RBFOX3: variants seen among roughly 807,000 people sequenced by gnomAD.
RBFOX3 encodes RNA binding fox-1 homolog 3.
A neutral mutation model predicts 48.7 loss-of-function variants in RBFOX3; 17 were observed. That is an observed-to-expected ratio of 0.35 (90% CI 0.24 to 0.52). RBFOX3 has a LOEUF of 0.52. RBFOX3 is among the 20% of genes least tolerant of loss of function. The pLI is 0.94. For missense variants in RBFOX3, 382 were observed against 497.5 expected (o/e 0.77, Z 2.21); for synonymous variants, 212 against 209.5 (o/e 1.01, Z -0.10).
At chr17:79,624,354 G>A in the RBFOX3 span, among the ~76,000 whole-genome samples, 1 of 151,946 alleles carries the variant, frequency 6.6e-6, no homozygotes, top group Non-Finnish European at 1.5e-5. Flanking sequence ...AGGGGAGGCT[G>A]GGGAAGGGAG....
At chr17:79,429,419 G>A (rs1473220292) in intron 2 of RBFOX3, among the ~76,000 whole-genome samples, 1 of 152,230 alleles carries the variant, frequency 6.6e-6, no homozygotes, top group African/African-American at 2.4e-5. Context: ...GTGGCAGCAG[G>A]TGATGGGAGG....
At chr17:79,260,322 C>T (rs1250580386) in intron 3 of RBFOX3, among the ~76,000 whole-genome samples, 1 of 152,152 alleles carries the variant, frequency 6.6e-6, no homozygotes, top group African/African-American at 2.4e-5. Flanking sequence ...CCGGCACCTG[C>T]TCCCTGCCAC....
At chr17:79,331,506 C>G (rs566153723) in intron 2 of RBFOX3, among the ~76,000 whole-genome samples, 4 of 152,242 alleles carry the variant, frequency 2.6e-5, no homozygotes, top group African/African-American at 7.2e-5. Flanking sequence ...GAGGCCTCTG[C>G]CCCCCCTGGA....
chr17:79,454,931 C>T (rs2074216781), intron 2 of RBFOX3, among the ~76,000 whole-genome samples: 1 of 152,234 alleles, frequency 6.6e-6, no homozygotes, highest in Non-Finnish European at 1.5e-5. Context: ...TACTGCCTAC[C>T]TGCACCCACT....
intron 1 of RBFOX3, among the ~76,000 whole-genome samples, chr17:79,550,086 C>T (rs540856908): frequency 2.7e-4 from 41 of 152,258 alleles, no homozygotes; most frequent in African/African-American, 7.7e-4. Context: ...AGGTCTACAC[C>T]GGGACAACTT....
rs2057358441 is a variant in RBFOX3, at chr17:79,363,895, C to T, written c.-174-56071G>A. Among the ~76,000 whole-genome samples, 1 of 152,170 alleles carries T rather than the reference C, an allele frequency of 6.6e-6. No individual in the cohort carries two copies. The highest frequency in any genetic ancestry group is 2.4e-5 in the African/African-American group (1 of 41,428). On this transcript the variant is annotated intron_variant, in intron 2 of 14. Transcript: ENST00000693108. This position sits in a 1 kb window ranked among gnomAD's most constrained non-coding sequence, Gnocchi z 4.7. ...GGCTCCTGCAGCCCCTAACTCTCCC[C>T]ACCTCGTCCCCCTCACCCACTCCAC...
At chr17:79,635,852 A>T in the RBFOX3 span, among the ~76,000 whole-genome samples, 1 of 152,256 alleles carries the variant, frequency 6.6e-6, no homozygotes, top group Admixed American at 6.5e-5. Flanking sequence ...AAAGAAATTC[A>T]ACTAATAGCA....
intron 1 of RBFOX3, among the ~76,000 whole-genome samples, chr17:79,512,639 C>T (rs1471323397): frequency 6.9e-6 from 1 of 144,076 alleles, no homozygotes; most frequent in African/African-American, 2.6e-5. Context: ...ATGTTACCAT[C>T]GGGTACGGCC....
chr17:79,230,986 C>A (rs982392033), intron 4 of RBFOX3, among the ~76,000 whole-genome samples: 1 of 151,960 alleles, frequency 6.6e-6, no homozygotes, highest in Non-Finnish European at 1.5e-5. Context: ...AGACACTGGA[C>A]GAGATACAGT....
Position 79,130,564 on chromosome 17 carries a change from C to G in RBFOX3, c.-33-14816G>C, listed in dbSNP as rs1003882963. On this transcript the variant is annotated intron_variant, in intron 4 of 14. Transcript: ENST00000693108. ...TCAGGTCCACAGCTTCTCATTTCCC[C>G]CTAGGGCCTCAGGGCTCTCCCACAG... Among the ~76,000 whole-genome samples, 8 of 152,252 alleles carry G rather than the reference C, an allele frequency of 5.3e-5. 1 individual carries two copies. The highest frequency in any genetic ancestry group is 6.5e-5 in the Admixed American group (1 of 15,290).
At chr17:79,458,729 TTCCTGGTG>T in intron 2 of RBFOX3, among the ~76,000 whole-genome samples, 1 of 152,008 alleles carries the variant, frequency 6.6e-6, no homozygotes, top group East Asian at 1.9e-4. Context: ...GAGGAGCAAT[TTCCTGGTG>T]TCCGGGGACT....
At chr17:79,326,320 C>T (rs1340018097) in intron 2 of RBFOX3, among the ~76,000 whole-genome samples, 2 of 152,142 alleles carry the variant, frequency 1.3e-5, no homozygotes, top group South Asian at 2.1e-4. Context: ...CCTCCCTTCT[C>T]GCCCTGCACG....
chr17:79,279,490 G>T (rs2069731397), intron 3 of RBFOX3, among the ~76,000 whole-genome samples: 2 of 152,196 alleles, frequency 1.3e-5, no homozygotes, highest in African/African-American at 4.8e-5. Context: ...GCACGGTACG[G>T]CACTGTCACG....
intron 2 of RBFOX3, among the ~76,000 whole-genome samples, chr17:79,330,756 C>T (rs564776815): frequency 6.6e-6 from 1 of 152,250 alleles, no homozygotes; most frequent in East Asian, 1.9e-4. Flanking sequence ...GTCTGAAGGT[C>T]CTTGGGCCGC....
intron 4 of RBFOX3, among the ~76,000 whole-genome samples, chr17:79,158,990 G>A (rs1459658084): frequency 3.3e-5 from 5 of 152,168 alleles, no homozygotes; most frequent in Admixed American, 1.3e-4. Flanking sequence ...TATACTAAGC[G>A]CTTTCATACA....
At chr17:79,327,506 C>A (rs911023354) in intron 2 of RBFOX3, among the ~76,000 whole-genome samples, 1 of 152,228 alleles carries the variant, frequency 6.6e-6, no homozygotes, top group East Asian at 1.9e-4. Context: ...AGAGCCAGGT[C>A]CTAACCGGGA....
chr17:79,259,545 G>A (rs1038514821), intron 3 of RBFOX3, among the ~76,000 whole-genome samples: 8 of 152,220 alleles, frequency 5.3e-5, no homozygotes, highest in Non-Finnish European at 7.3e-5. Flanking sequence ...GAGGAGGGAA[G>A]GGAGCAGGCA....
rs1182123838 is a variant in RBFOX3 at position 79,090,646 on chromosome 17, ACGCG to A, written c.*233_*236del. The A allele has an allele frequency of 1.9e-6, 1 of 524,306 alleles. No homozygotes were observed. Among genetic ancestry groups the A allele is most frequent in the East Asian group, 3.1e-5 (1 of 31,990 alleles). 32.5% of individuals were successfully genotyped at this position (524,306 alleles called of 1,614,324 possible). On this transcript the variant is annotated 3_prime_UTR_variant, in exon 15 of 15. Transcript: ENST00000693108. ...TGTTCCCACTGTGCTGCCAGCCAGG[ACGCG>A]GTGGGGCCGTCCTGTCCTGGGGCCG...
chr17:79,335,813 C>T (rs151263505), intron 2 of RBFOX3, among the ~76,000 whole-genome samples: 203 of 152,340 alleles, frequency 1.3e-3, no homozygotes, highest in Admixed American at 2.4e-3. Context: ...CCTGGCACCG[C>T]ACACTCAGGC....
Sources: allele counts gnomAD v4.1 joint callset (sites outside exome capture counted in the v4.1 genomes callset), GRCh38; gene constraint gnomAD v4.1.1; non-coding constraint Gnocchi (gnomAD v3.1); transcripts MANE v1.5; gene names NCBI Gene and HGNC (gene_info 2026-07-23, HGNC 2026-07-21).